TDRP: variants seen among roughly 807,000 people sequenced by gnomAD.
TDRP encodes the protein testis development related protein.
TDRP carries 12 observed loss-of-function variants against 10.5 expected under a neutral mutation model. The observed-to-expected ratio is 1.15, with a 90% CI of 0.73 to 1.86. The LOEUF (loss-of-function observed/expected upper bound fraction) is 1.86, where lower values mean the gene tolerates loss of function less well. Among genes scored for constraint, TDRP ranks in the 40% most tolerant of loss-of-function variants. TDRP has a pLI of 0.00. For synonymous variants in TDRP, 139 were observed against 95.4 expected (o/e 1.46, Z -2.67); for missense variants, 353 against 229.2 (o/e 1.54, Z -3.49).
chr8:496,313 C>G lies in TDRP; in HGVS notation c.109-1716G>C, dbSNP rs117601840. On this transcript the variant is annotated intron_variant, in intron 1 of 2. Coordinates refer to ENST00000324079, the MANE Select transcript of TDRP (RefSeq NM_001384899.1). ...GCATGACAGAGCATGTGGCAGGATC[C>G]TATCAAGAAGTCTCAATTAAGAACA... Among the ~76,000 whole-genome samples the G allele has an allele frequency of 7.3e-3, 1,110 of 152,334 alleles. 5 individuals carry two copies. Among genetic ancestry groups the G allele is most frequent in the Middle Eastern group, 0.031 (9 of 294 alleles).
intron 1 of TDRP, among the ~76,000 whole-genome samples, chr8:529,840 C>A (rs936595082): frequency 6.6e-6 from 1 of 152,166 alleles, no homozygotes; most frequent in Non-Finnish European, 1.5e-5. Flanking sequence ...AAATCTTTCT[C>A]AGTGTGGGCT....
At chr8:528,798 T>C (rs1407992789) in intron 1 of TDRP, among the ~76,000 whole-genome samples, 1 of 152,156 alleles carries the variant, frequency 6.6e-6, no homozygotes, top group Admixed American at 6.5e-5. Context: ...TATTTATTTA[T>C]ATATAACTAT....
chr8:510,131 C>G (rs112332201), intron 1 of TDRP, among the ~76,000 whole-genome samples: 1 of 152,218 alleles, frequency 6.6e-6, no homozygotes, highest in African/African-American at 2.4e-5. Flanking sequence ...GGAAGCTCCA[C>G]TAAGCTTCAG....
At chr8:516,978 T>C (rs1801773225) in intron 1 of TDRP, among the ~76,000 whole-genome samples, 1 of 152,122 alleles carries the variant, frequency 6.6e-6, no homozygotes, top group Non-Finnish European at 1.5e-5. Flanking sequence ...CTTAAATGTA[T>C]AAACCAACTA....
chr8:503,444 C>T (rs1038724441), intron 1 of TDRP, among the ~76,000 whole-genome samples: 1 of 151,742 alleles, frequency 6.6e-6, no homozygotes, highest in African/African-American at 2.4e-5. Flanking sequence ...AACCCGTGCC[C>T]ACCTCAGCAC....
chr8:494,622 C>G (rs1475263673), intron 1 of TDRP, 25 bp from the exon 2 acceptor site: 4 of 1,594,886 alleles, frequency 2.5e-6, no homozygotes, highest in Non-Finnish European at 3.4e-6. Flanking sequence ...AGAAAAATGT[C>G]AAATCTGATG....
intron 1 of TDRP, among the ~76,000 whole-genome samples, chr8:511,989 C>T (rs1255192649): frequency 6.6e-6 from 1 of 152,060 alleles, no homozygotes; most frequent in Non-Finnish European, 1.5e-5. Flanking sequence ...ACTTAAACTT[C>T]TATCTTAAGG....
At chr8:506,272 C>G (rs753369303) in intron 1 of TDRP, among the ~76,000 whole-genome samples, 8 of 152,156 alleles carry the variant, frequency 5.3e-5, no homozygotes, top group Non-Finnish European at 1.2e-4. Flanking sequence ...ACATTTGGTA[C>G]AAAAGATGAG....
Position 491,714 on chromosome 8 carries a change from A to G in TDRP, c.*685T>C. ...GCAAATGTTTTAAGAAAATAAAGGG[A>G]CCGATTTAGAAGTTCAAAAGAGGTA... On this transcript the variant is annotated 3_prime_UTR_variant, in exon 3 of 3. Coordinates refer to ENST00000324079, the MANE Select transcript of TDRP (RefSeq NM_001384899.1). 6.7e-7 allele frequency: 1 copy of G among 1,487,500 alleles called. No homozygotes were observed. The highest frequency in any genetic ancestry group is 1.3e-5 in the South Asian group (1 of 74,638). The allele number at this position is 1,487,500 out of a possible 1,614,324, so 92.1% of individuals were successfully genotyped here.
At chr8:536,343 T>C (rs112669569) in intron 1 of TDRP, among the ~76,000 whole-genome samples, 1 of 152,206 alleles carries the variant, frequency 6.6e-6, no homozygotes, top group African/African-American at 2.4e-5. Flanking sequence ...TCCAAATCAG[T>C]TGGCATTCAC....
rs1023194763 is a variant in TDRP at position 512,030 on chromosome 8, G to A, written c.109-17433C>T. 4.5e-4 allele frequency among the ~76,000 whole-genome samples: 68 copies of A among 151,846 alleles called. 2 individuals carry two copies. Among genetic ancestry groups the A allele is most frequent in the Admixed American group, 2.0e-3 (31 of 15,250 alleles). On this transcript the variant is annotated intron_variant, in intron 1 of 2. Coordinates refer to ENST00000324079, the MANE Select transcript of TDRP (RefSeq NM_001384899.1). Reference sequence around the variant, plus strand: ...GAAAAAGAGCAAACTAAACCTAAAGGAAGCAAAAGGTAGGAAATCACAAAG... The same window carrying A: ...GAAAAAGAGCAAACTAAACCTAAAGAAAGCAAAAGGTAGGAAATCACAAAG...
At chr8:514,734 G>T (rs1211497470) in intron 1 of TDRP, among the ~76,000 whole-genome samples, 2 of 152,088 alleles carry the variant, frequency 1.3e-5, no homozygotes, top group Non-Finnish European at 2.9e-5. Context: ...ACTGGGAAAT[G>T]TCTATTTTTG....
intron 1 of TDRP, among the ~76,000 whole-genome samples, chr8:536,760 C>T (rs562503539): frequency 2.6e-5 from 4 of 152,162 alleles, no homozygotes; most frequent in Non-Finnish European, 5.9e-5. Flanking sequence ...TGGAGGAAAG[C>T]ACCACTCTGT....
intron 1 of TDRP, among the ~76,000 whole-genome samples, chr8:513,725 A>G (rs765763315): frequency 2.0e-5 from 3 of 152,240 alleles, no homozygotes; most frequent in Non-Finnish European, 2.9e-5. Flanking sequence ...TGCTGATAAC[A>G]TGATCTTTTG....
intron 1 of TDRP, among the ~76,000 whole-genome samples, chr8:534,280 A>G (rs541403397): frequency 4.4e-4 from 67 of 152,360 alleles, no homozygotes; most frequent in African/African-American, 1.5e-3. Flanking sequence ...ATGTTGTACA[A>G]AGTTGCCACA....
chr8:534,709 G>A (rs1203903819), intron 1 of TDRP, among the ~76,000 whole-genome samples: 1 of 152,236 alleles, frequency 6.6e-6, no homozygotes, highest in Non-Finnish European at 1.5e-5. Context: ...AGTGTTTGCT[G>A]CTCTGCAAGT....
chr8:530,401 C>G (rs961677451), intron 1 of TDRP, among the ~76,000 whole-genome samples: 3 of 152,080 alleles, frequency 2.0e-5, no homozygotes, highest in Non-Finnish European at 4.4e-5. Flanking sequence ...GGCCATATTT[C>G]TCTGTTTCTT....
intron 1 of TDRP, among the ~76,000 whole-genome samples, chr8:501,714 G>T (rs776605162): frequency 6.6e-6 from 1 of 152,188 alleles, no homozygotes; most frequent in Admixed American, 6.5e-5. Flanking sequence ...CCTTTCTTAA[G>T]CCAGGTATCC....
At position 492,074 on chromosome 8, in the gene TDRP, T is replaced by A; in HGVS notation, c.*325A>T. The A allele has an allele frequency of 8.6e-7, 1 of 1,156,962 alleles. No individual in the cohort carries two copies. Among genetic ancestry groups the A allele is most frequent in the African/African-American group, 1.6e-5 (1 of 62,900 alleles). The allele number at this position is 1,156,962 out of a possible 1,614,324, so 71.7% of individuals were successfully genotyped here. A position where few individuals can be genotyped will look rare whatever the true frequency, so the allele number is the denominator to read the frequency against. ...AACAGAACTACAACACAGAGCAGCA[T>A]GAAAATCATTTTGTGAGAAACTGCA... On this transcript the variant is annotated 3_prime_UTR_variant, in exon 3 of 3. Transcript: ENST00000324079.
Sources: gnomAD v4.1 joint callset for allele counts (sites outside exome capture counted in the v4.1 genomes callset) on GRCh38, gnomAD v4.1.1 for gene constraint, MANE v1.5 for transcripts, NCBI Gene and HGNC (gene_info 2026-07-23, HGNC 2026-07-21) for gene names.